The following DOCK4 variants were observed in gnomAD, a reference collection of about 807,000 sequenced individuals.
DOCK4 encodes dedicator of cytokinesis protein 4.
A neutral mutation model predicts 268.1 loss-of-function variants in DOCK4; 97 were observed. The ratio of observed to expected loss-of-function variants is 0.36; its 90% CI spans 0.31 to 0.43. DOCK4 has a LOEUF of 0.43. Ranked by LOEUF, DOCK4 falls within the 20% of genes least tolerant of loss-of-function variation. The pLI, the probability that DOCK4 is intolerant of heterozygous loss-of-function variation, is 1.00. For synonymous variants in DOCK4, 954 were observed against 887.2 expected (o/e 1.08, Z -1.34); for missense variants, 2,145 against 2,455.7 (o/e 0.87, Z 2.67).
chr7:112,037,612 T>C (rs568674821), intron 1 of DOCK4, among the ~76,000 whole-genome samples: 1 of 152,354 alleles, frequency 6.6e-6, no homozygotes, highest in East Asian at 1.9e-4. Context: ...ATCCATGTCA[T>C]TGTGTATATT....
At chr7:112,057,001 A>G (rs888151532) in intron 1 of DOCK4, among the ~76,000 whole-genome samples, 1 of 152,222 alleles carries the variant, frequency 6.6e-6, no homozygotes, top group African/African-American at 2.4e-5. Flanking sequence ...TTCAAACTGT[A>G]TACTTTAAAA....
intron 1 of DOCK4, among the ~76,000 whole-genome samples, chr7:112,126,577 A>G (rs1056847923): frequency 2.0e-5 from 3 of 152,134 alleles, no homozygotes; most frequent in Admixed American, 1.3e-4. Flanking sequence ...TTAAACTAAA[A>G]AGCTTCTGCA....
At position 111,869,556 on chromosome 7, in the gene DOCK4, T is replaced by C; in HGVS notation, c.2109+18A>G. 1 of 1,609,346 alleles carries C rather than the reference T, an allele frequency of 6.2e-7. No homozygotes were observed. The highest frequency in any genetic ancestry group is 8.5e-7 in the Non-Finnish European group (1 of 1,175,896). Reference sequence around the variant, plus strand: ...ACAGCTTTGTTAGACTCTGCTGTTATCAACAGCATGTTATCACCTTCAGCA... The same window carrying C: ...ACAGCTTTGTTAGACTCTGCTGTTACCAACAGCATGTTATCACCTTCAGCA... On this transcript the variant is annotated intron_variant, in intron 21 of 52. Transcript: ENST00000428084.
intron 49 of DOCK4, 62 bp from the exon 50 acceptor site, chr7:111,737,051 A>G: frequency 7.0e-7 from 1 of 1,428,434 alleles, no homozygotes; most frequent in Non-Finnish European, 9.6e-7. Context: ...ACCTTTCAGA[A>G]AATGAGACGA....
intron 12 of DOCK4, among the ~76,000 whole-genome samples, chr7:111,929,120 A>G (rs1247803760): frequency 2.0e-5 from 3 of 152,162 alleles, no homozygotes; most frequent in African/African-American, 4.8e-5. Context: ...ATAGATGTGT[A>G]TATGTGTATA....
chr7:112,178,356 G>T (rs1818704439), intron 1 of DOCK4, among the ~76,000 whole-genome samples: 1 of 152,002 alleles, frequency 6.6e-6, no homozygotes, highest in African/African-American at 2.4e-5. Context: ...ATAAACTTTT[G>T]CCATAAGAGA....
At chr7:111,915,093 C>G (rs1166897932) in intron 13 of DOCK4, among the ~76,000 whole-genome samples, 8 of 152,152 alleles carry the variant, frequency 5.3e-5, no homozygotes, top group Admixed American at 4.6e-4. Context: ...TCAGAAAACC[C>G]TAAATTTCCA....
chr7:111,762,762 CTTTTT>C (rs869052136), intron 39 of DOCK4, among the ~76,000 whole-genome samples: 128 of 63,070 alleles, frequency 2.0e-3, no homozygotes, highest in African/African-American at 4.3e-3. Context: ...GTTTTGTTTT[CTTTTT>C]TTTTTTTTTT....
rs565349132 is a variant in DOCK4 at position 111,728,208 on chromosome 7, C to T, written c.*66G>A. The stretch of plus-strand genomic sequence containing the variant: ...TTATTAAAGTGCCTACACTAAATGT[C>T]TTCTCATCATACTTCTTATTTTGTA... On this transcript the variant is annotated 3_prime_UTR_variant, in exon 53 of 53. Coordinates refer to ENST00000428084, the MANE Select transcript of DOCK4 (RefSeq NM_001363540.2). The T allele has an allele frequency of 1.5e-4, 193 of 1,280,226 alleles. 1 individual carries two copies. The South Asian group carries it at 2.0e-3, about 13-fold the overall frequency. 79.3% of individuals were successfully genotyped at this position (1,280,226 alleles called of 1,614,324 possible).
chr7:112,071,737 T>A (rs188062952), intron 1 of DOCK4, among the ~76,000 whole-genome samples: 77 of 152,340 alleles, frequency 5.1e-4, no homozygotes, highest in African/African-American at 1.8e-3. Flanking sequence ...ATCTTCTTAT[T>A]TGGATGTCCT....
rs760904918 is a variant in DOCK4 at position 111,758,615 on chromosome 7, G to A, written c.4329+9C>T. On this transcript the variant is annotated intron_variant, in intron 41 of 52. Transcript: ENST00000428084. Reference sequence around the variant, plus strand: ...GAGGAGTTAGCATGTAATAAGAATTGCATGGTACCTTGAATTCATTCTCTT... The same window carrying A: ...GAGGAGTTAGCATGTAATAAGAATTACATGGTACCTTGAATTCATTCTCTT... The A allele has an allele frequency of 1.7e-5, 27 of 1,613,450 alleles. No individual in the cohort carries two copies. The Admixed American group carries it at 4.3e-4, about 26-fold the overall frequency.
intron 12 of DOCK4, among the ~76,000 whole-genome samples, chr7:111,919,420 T>C (rs1463315461): frequency 6.6e-6 from 1 of 151,902 alleles, no homozygotes. Context: ...AGTCGGTCAG[T>C]GGAGAAGGGA....
intron 50 of DOCK4, among the ~76,000 whole-genome samples, chr7:111,736,627 C>T (rs9691349): frequency 0.88 from 134,523 of 152,202 alleles, 60,143 homozygotes; most frequent in Non-Finnish European, 0.95. Context: ...GGCAACTTTG[C>T]TTCAGGAAGA....
rs1038507565 is a variant in DOCK4 at position 112,007,409 on chromosome 7, G to A, written c.38-3278C>T. 4.6e-5 allele frequency among the ~76,000 whole-genome samples: 7 copies of A among 152,242 alleles called. No homozygotes were observed. The East Asian group carries it at 9.6e-4, about 21-fold the overall frequency. Reference sequence around the variant, plus strand: ...TCGGACAACCTCAGGGACTCTTCTCGTAACTAAAAGTATCTAAGGAATAAG... The same window carrying A: ...TCGGACAACCTCAGGGACTCTTCTCATAACTAAAAGTATCTAAGGAATAAG... On this transcript the variant is annotated intron_variant, in intron 1 of 52. Coordinates refer to ENST00000428084, the MANE Select transcript of DOCK4 (RefSeq NM_001363540.2).
At chr7:111,750,417 G>A (rs1368161244) in intron 42 of DOCK4, among the ~76,000 whole-genome samples, 1 of 152,188 alleles carries the variant, frequency 6.6e-6, no homozygotes, top group African/African-American at 2.4e-5. Flanking sequence ...CAGAATCCAT[G>A]AGGCATGATT....
chr7:112,020,204 T>A (rs1205828523), intron 1 of DOCK4, among the ~76,000 whole-genome samples: 1 of 152,216 alleles, frequency 6.6e-6, no homozygotes, highest in African/African-American at 2.4e-5. Flanking sequence ...TTCCTTTCTT[T>A]GCCACAAGAC....
At chr7:112,000,157 G>A (rs1395175992) in intron 3 of DOCK4, among the ~76,000 whole-genome samples, 2 of 151,996 alleles carry the variant, frequency 1.3e-5, no homozygotes, top group Non-Finnish European at 2.9e-5. Context: ...ATTAAATACT[G>A]CTATTTAATA....
intron 1 of DOCK4, among the ~76,000 whole-genome samples, chr7:112,058,009 G>T: frequency 6.9e-6 from 1 of 145,310 alleles, no homozygotes; most frequent in Admixed American, 6.9e-5. Context: ...TACACATTTT[G>T]GAAGTACAGG....
intron 36 of DOCK4, among the ~76,000 whole-genome samples, chr7:111,777,536 T>C (rs905403686): frequency 6.6e-5 from 10 of 152,206 alleles, no homozygotes; most frequent in African/African-American, 1.9e-4. Flanking sequence ...TTTCAATGTA[T>C]GTAGATGTAA....
Sources: gnomAD v4.1 joint callset for allele counts (sites outside exome capture counted in the v4.1 genomes callset) on GRCh38, gnomAD v4.1.1 for gene constraint, MANE v1.5 for transcripts, NCBI Gene and HGNC (gene_info 2026-07-23, HGNC 2026-07-21) for gene names.